RYR3: variants seen among roughly 807,000 people sequenced by gnomAD.
RYR3 encodes the protein brain ryanodine receptor-calcium release channel.
In RYR3, 207 loss-of-function variants were observed where a neutral mutation model predicts 584.3. The observed-to-expected ratio is 0.35, with a 90% CI of 0.32 to 0.40. The LOEUF is 0.40. RYR3 is among the 10% of genes least tolerant of loss of function. The probability of loss-of-function intolerance (pLI) is 1.00; values close to 1 mark genes in which losing one functional copy is unlikely to be tolerated. For synonymous variants in RYR3, 2,416 were observed against 2,248.5 expected (o/e 1.07, Z -2.11); for missense variants, 5,616 against 6,089.2 (o/e 0.92, Z 2.59).
In RYR3 at chr15:33,810,625, C is replaced by T; in HGVS notation, c.10173C>T (p.Ser3391=). The T allele has an allele frequency of 6.2e-7, 1 of 1,614,028 alleles. No homozygotes were observed. Among genetic ancestry groups the T allele is most frequent in the Non-Finnish European group, 8.5e-7 (1 of 1,179,886 alleles). The change falls in exon 71 of 104, where the codon TCC becomes TCT. Residue 3391 remains serine, a synonymous_variant. Transcript: ENST00000634891. ...CTCCAGGCGACCAGGAGCTGATCTCCCTCGCAAAATCGCGATACAGCCATG... is the reference window on the plus strand; with the variant it reads ...CTCCAGGCGACCAGGAGCTGATCTCTCTCGCAAAATCGCGATACAGCCATG... ...MCTPGDQELI[S]LAKSRYSHRD...
At chr15:33,490,155 G>T (rs1411560994) in intron 2 of RYR3, among the ~76,000 whole-genome samples, 1 of 152,080 alleles carries the variant, frequency 6.6e-6, no homozygotes, top group Non-Finnish European at 1.5e-5. Flanking sequence ...CTAACTCAAG[G>T]CATTCCAGGA....
intron 1 of RYR3, among the ~76,000 whole-genome samples, chr15:33,464,592 G>A (rs959675115): frequency 7.5e-5 from 11 of 147,190 alleles, no homozygotes; most frequent in Non-Finnish European, 1.3e-4. Flanking sequence ...TGTATATAAT[G>A]CATTTCCTAT....
intron 3 of RYR3, among the ~76,000 whole-genome samples, chr15:33,520,459 A>G (rs551018417): frequency 5.9e-5 from 9 of 152,220 alleles, no homozygotes; most frequent in African/African-American, 2.2e-4. Flanking sequence ...GATGAGGAGG[A>G]GGAGTATGGG....
At chr15:33,658,658 C>T (rs1344038987) in intron 32 of RYR3, among the ~76,000 whole-genome samples, 1 of 152,182 alleles carries the variant, frequency 6.6e-6, no homozygotes, top group Non-Finnish European at 1.5e-5. Flanking sequence ...ATTAAAGTCC[C>T]AGTGTGTGAG....
chr15:33,559,468 G>T (rs2057286712), intron 10 of RYR3, among the ~76,000 whole-genome samples: 1 of 152,172 alleles, frequency 6.6e-6, no homozygotes, highest in African/African-American at 2.4e-5. Context: ...TGGTCAGGAG[G>T]CAGACAAGGG....
chr15:33,566,734 G>C lies in RYR3; in HGVS notation c.1203G>C (p.Gln401His), dbSNP rs11853872. Reference protein sequence around the residue: ...MDDGLTLQRCQREESQAARII... With the variant: ...MDDGLTLQRCHREESQAARII... ...ATGGATTAACACTGCAGAGATGCCA[G>C]CGTGAGGAGTCCCAGGCTGCTCGGA... The change falls in exon 12 of 104, where the codon CAG becomes CAC. Residue 401 changes from glutamine (Q) to histidine (H), a missense_variant. By Grantham distance (24) the Gln-to-His change is conservative. Coordinates refer to ENST00000634891, the MANE Select transcript of RYR3 (RefSeq NM_001036.6). The C allele has an allele frequency of 6.2e-7, 1 of 1,613,652 alleles. No homozygotes were observed. The highest frequency in any genetic ancestry group is 2.2e-5 in the East Asian group (1 of 44,866).
chr15:33,565,989 T>C (rs2057693968), intron 11 of RYR3, among the ~76,000 whole-genome samples: 1 of 152,222 alleles, frequency 6.6e-6, no homozygotes, highest in African/African-American at 2.4e-5. Context: ...AATCATTGAA[T>C]CTTCCAACCC....
rs1555427016 is a variant in RYR3, at chr15:33,725,180, C to CACACACACACACACACACACATAT, written c.6912+1025_6912+1026insTATACACACACACACACACACACA. The stretch of plus-strand genomic sequence containing the variant: ...ACACACACACACACACACACACACA[C>CACACACACACACACACACACATAT]ACACACACACACACACACACACATA... On this transcript the variant is annotated intron_variant, in intron 45 of 103. Coordinates refer to ENST00000634891, the MANE Select transcript of RYR3 (RefSeq NM_001036.6). Among the ~76,000 whole-genome samples, 425 of 143,894 alleles carry CACACACACACACACACACACATAT rather than the reference C, an allele frequency of 3.0e-3. 2 individuals are homozygous for CACACACACACACACACACACATAT. Among genetic ancestry groups the CACACACACACACACACACACATAT allele is most frequent in the Non-Finnish European group, 4.9e-3 (318 of 65,256 alleles). 94.4% of individuals were successfully genotyped at this position (143,894 alleles called of 152,430 possible). A position where few individuals can be genotyped will look rare whatever the true frequency, so the allele number is the denominator to read the frequency against.
chr15:33,763,187 C>T (rs1191035711), intron 60 of RYR3, among the ~76,000 whole-genome samples: 2 of 152,114 alleles, frequency 1.3e-5, no homozygotes, highest in East Asian at 1.9e-4. Context: ...CTAGGCAATA[C>T]CATTCAGGAC....
At chr15:33,566,447 C>A (rs2057719887) in intron 11 of RYR3, among the ~76,000 whole-genome samples, 2 of 152,160 alleles carry the variant, frequency 1.3e-5, no homozygotes, top group African/African-American at 4.8e-5. Flanking sequence ...ACCATGGTGG[C>A]ACATAAAGTT....
At chr15:33,371,844 G>A (rs1222913043) in intron 1 of RYR3, among the ~76,000 whole-genome samples, 1 of 152,198 alleles carries the variant, frequency 6.6e-6, no homozygotes, top group Non-Finnish European at 1.5e-5. Flanking sequence ...AGGGCCTGCT[G>A]TCAGATGGGA....
intron 63 of RYR3, among the ~76,000 whole-genome samples, chr15:33,773,303 C>T (rs1277868524): frequency 1.3e-5 from 2 of 152,134 alleles, no homozygotes; most frequent in East Asian, 3.9e-4. Context: ...TCATGATAAG[C>T]CCCACAAAGG....
chr15:33,732,896 G>A lies in RYR3; in HGVS notation c.7424+1202G>A, dbSNP rs551238111. Among the ~76,000 whole-genome samples the A allele has an allele frequency of 1.8e-4, 28 of 152,246 alleles. No individual in the cohort carries two copies. The South Asian group carries it at 5.8e-3, about 32-fold the overall frequency. ...CCCCTTTAGGGGCCAGCTGAGTATGGTCTTGATTTCTTGTTGAATGAGTTC... is the reference window on the plus strand; with the variant it reads ...CCCCTTTAGGGGCCAGCTGAGTATGATCTTGATTTCTTGTTGAATGAGTTC... On this transcript the variant is annotated intron_variant, in intron 48 of 103. Coordinates refer to ENST00000634891, the MANE Select transcript of RYR3 (RefSeq NM_001036.6).
In RYR3 at chr15:33,785,863, C is replaced by A. The variant is rs1457288558; in HGVS notation, c.9470C>A (p.Thr3157Lys). ...ERGPENLPPS[T>K]GPCCTKVTSE... The stretch of plus-strand genomic sequence containing the variant: ...GGTCCTGAGAACCTGCCCCCCAGCA[C>A]AGGGCCATGCTGCACCAAGGTCACC... The change falls in exon 66 of 104, where the codon ACA becomes AAA. Residue 3157 changes from threonine (T) to lysine (K), a missense_variant. Transcript: ENST00000634891. The A allele has an allele frequency of 1.2e-6, 2 of 1,613,950 alleles. No individual in the cohort carries two copies. Among genetic ancestry groups the A allele is most frequent in the Non-Finnish European group, 8.5e-7 (1 of 1,179,878 alleles).
At chr15:33,724,242 G>T (rs2068177602) in intron 45 of RYR3, 66 bp downstream of exon 45, 2 of 857,256 alleles carry the variant, frequency 2.3e-6, no homozygotes, top group African/African-American at 1.7e-5. Context: ...TAGATTTCCT[G>T]AACCTCATTT....
Position 33,473,505 on chromosome 15 carries a change from C to T in RYR3, c.138C>T (p.Arg46=). 6.2e-7 allele frequency: 1 copy of T among 1,613,984 alleles called. No homozygotes were observed. The highest frequency in any genetic ancestry group is 1.3e-5 in the African/African-American group (1 of 75,030). ...FCLAAEGLGN[R]LCFLEPTSEA... Reference sequence around the variant, plus strand: ...TGGCAGCCGAGGGACTTGGGAATCGCCTGTGCTTCTTGGAACCCACTTCAG... The same window carrying T: ...TGGCAGCCGAGGGACTTGGGAATCGTCTGTGCTTCTTGGAACCCACTTCAG... The change falls in exon 2 of 104, where the codon CGC becomes CGT. Residue 46 remains arginine (R), a synonymous_variant. Transcript: ENST00000634891.
intron 87 of RYR3, 61 bp from the exon 88 acceptor site, chr15:33,836,845 A>C (rs994478799): frequency 1.5e-6 from 2 of 1,360,614 alleles, no homozygotes; most frequent in Non-Finnish European, 1.0e-6. Flanking sequence ...CTTCTCGCTC[A>C]CTGCCCTGTA....
intron 1 of RYR3, among the ~76,000 whole-genome samples, chr15:33,426,817 G>A (rs1047085636): frequency 3.3e-5 from 5 of 152,192 alleles, no homozygotes; most frequent in Admixed American, 2.0e-4. Context: ...GTCTGGAAGT[G>A]TGGGATTGTG....
chr15:33,778,174 T>C (rs551823512), intron 64 of RYR3, among the ~76,000 whole-genome samples: 1 of 151,470 alleles, frequency 6.6e-6, no homozygotes, highest in Admixed American at 6.6e-5. Context: ...TGTCTCAAAA[T>C]AAATAAATAA....
Sources: allele counts gnomAD v4.1 joint callset (sites outside exome capture counted in the v4.1 genomes callset), GRCh38; gene constraint gnomAD v4.1.1; transcripts MANE v1.5; gene names NCBI Gene and HGNC (gene_info 2026-07-23, HGNC 2026-07-21).